Variants in TMEM63A observed in about 807,000 individuals in gnomAD.
The protein encoded by TMEM63A is transmembrane protein 63A, also known as mechanosensitive cation channel TMEM63A.
In TMEM63A, 76 loss-of-function variants were observed where a neutral mutation model predicts 100.6. That is an observed-to-expected ratio of 0.76 (90% CI 0.63 to 0.91). The LOEUF (loss-of-function observed/expected upper bound fraction) is 0.91. Ranked by LOEUF, TMEM63A falls within the 40% of genes least tolerant of loss-of-function variation. TMEM63A has a pLI of 0.00. For synonymous variants in TMEM63A, 401 were observed against 401.1 expected (o/e 1.00, Z 0.00); for missense variants, 876 against 1,008.8 (o/e 0.87, Z 1.78).
In TMEM63A at chr1:225,855,958, C is replaced by T. The variant is rs575698490; in HGVS notation, c.1572-18G>A. ...AATCTAGACTGAAAAACAAAGGAAC[C>T]CCCTAAGAGTTTATTTCCAGCATTC... On this transcript the variant is annotated intron_variant, in intron 17 of 24. Transcript: ENST00000366835. 2.5e-6 allele frequency: 4 copies of T among 1,612,574 alleles called. No homozygotes were observed. In the African/African-American group the frequency reaches 5.3e-5, roughly 22 times the overall value.
downstream of TMEM63A, among the ~76,000 whole-genome samples, chr1:225,841,529 C>T (rs1216905913): frequency 2.0e-5 from 3 of 151,790 alleles, no homozygotes; most frequent in Non-Finnish European, 2.9e-5. Context: ...GGTGATCCAC[C>T]CGCCTCGGCC....
chr1:225,878,252 A>C (rs1216000683), intron 2 of TMEM63A, among the ~76,000 whole-genome samples: 1 of 152,166 alleles, frequency 6.6e-6, no homozygotes, highest in East Asian at 1.9e-4. Flanking sequence ...GGCAGAATTG[A>C]ATCCCAAACC....
In TMEM63A at chr1:225,862,804, T is replaced by C. The variant is rs1670010299; in HGVS notation, c.794A>G (p.Asn265Ser). 4 of 1,613,876 alleles carry C rather than the reference T, an allele frequency of 2.5e-6. No homozygotes were observed. Among genetic ancestry groups the C allele is most frequent in the Non-Finnish European group, 3.4e-6 (4 of 1,179,998 alleles). Residue 265 changes from asparagine to serine, a missense_variant, in exon 11 of 25, where the codon AAC (asparagine) becomes AGC (serine). This residue lies in a region of TMEM63A where 487 missense variants were observed against 581.9 expected (regional missense o/e 0.84). Transcript: ENST00000366835. This position sits in a 1 kb window ranked among gnomAD's most constrained non-coding sequence, Gnocchi z 5.1. ...CEVVDVQLCY[N>S]VAKLIYLCKE... is the part of the protein sequence containing the mutation. ...GCACAGGTAGATCAGTTTGGCCACG[T>C]TGTAGCACAGCTGCACATCAACCAC...
In TMEM63A at chr1:225,853,711, A is replaced by T. The variant is rs762806303; in HGVS notation, c.1715T>A (p.Leu572Gln). Residue 572 changes from leucine to glutamine, a missense_variant, in exon 19 of 25, where the codon CTG (leucine) becomes CAG (glutamine). Physicochemically the swap from Leu to Gln is moderately radical, Grantham distance 113. Coordinates refer to ENST00000366835, the MANE Select transcript of TMEM63A (RefSeq NM_014698.3). This position sits in a 1 kb window ranked among gnomAD's most constrained non-coding sequence, Gnocchi z 4.0. ...GAGGATGAGACCTGGCAGCCGCAGC[A>T]GCTCCATGCCATTGCCGATGAAGGC... ...ASAFIGNGME[L>Q]LRLPGLILYT... 5 of 1,598,600 alleles carry T rather than the reference A, an allele frequency of 3.1e-6. No individual in the cohort carries two copies. Among genetic ancestry groups the T allele is most frequent in the Non-Finnish European group, 4.3e-6 (5 of 1,172,582 alleles).
intron 14 of TMEM63A, 92 bp downstream of exon 14, chr1:225,860,768 G>T (rs1576087892): frequency 1.4e-6 from 2 of 1,408,004 alleles, no homozygotes; most frequent in Non-Finnish European, 9.2e-7. Context: ...GATCTCCATT[G>T]ACTGCCAGGT....
downstream of TMEM63A, chr1:225,845,000 T>A: frequency 1.1e-6 from 1 of 909,172 alleles, no homozygotes; most frequent in Admixed American, 2.0e-5. Flanking sequence ...GGGAGAGCGG[T>A]TGAGACCCTG....
chr1:225,868,529 A>G (rs2102632583), intron 6 of TMEM63A, among the ~76,000 whole-genome samples: 1 of 151,596 alleles, frequency 6.6e-6, no homozygotes, highest in Middle Eastern at 3.4e-3. Flanking sequence ...ACTAAAAAAA[A>G]AAAAAAATTA....
At chr1:225,879,795 C>T (rs1485248158) in intron 1 of TMEM63A, among the ~76,000 whole-genome samples, 3 of 152,352 alleles carry the variant, frequency 2.0e-5, no homozygotes, top group Middle Eastern at 3.4e-3. Flanking sequence ...GCCAATGCTA[C>T]TGGGGAGGCT....
chr1:225,856,809 A>G (rs763520567), intron 16 of TMEM63A, 71 bp from the exon 17 acceptor site: 3 of 1,584,856 alleles, frequency 1.9e-6, no homozygotes, highest in Non-Finnish European at 2.6e-6. Flanking sequence ...GGCCCCTGCC[A>G]TGTGCCCACT....
At chr1:225,850,932 C>T (rs924981538) in intron 20 of TMEM63A, among the ~76,000 whole-genome samples, 16 of 152,206 alleles carry the variant, frequency 1.1e-4, no homozygotes, top group East Asian at 5.8e-4. Flanking sequence ...AGGATGGTCT[C>T]GATCTCCTGA....
At chr1:225,856,300 G>A (rs905239815) in intron 17 of TMEM63A, among the ~76,000 whole-genome samples, 6 of 147,534 alleles carry the variant, frequency 4.1e-5, no homozygotes, top group Non-Finnish European at 8.9e-5. Flanking sequence ...GTGAGCCACT[G>A]TGCCTGGCCA....
chr1:225,874,318 C>T lies in TMEM63A; in HGVS notation c.236G>A (p.Gly79Asp). ...SIIRRRFWDY[G>D]RIALVSEADS... ...TGCTTCTGACACCAGGGCAATGCGG[C>T]CATAGTCCCAGAATCTTCTTCTTAT... Residue 79 changes from glycine to aspartate, a missense_variant, in exon 4 of 25, where the codon GGC becomes GAC. Physicochemically the swap from Gly to Asp is moderately conservative, Grantham distance 94. Transcript: ENST00000366835. 6.2e-7 allele frequency: 1 copy of T among 1,614,090 alleles called. No individual in the cohort carries two copies. Among genetic ancestry groups the T allele is most frequent in the Non-Finnish European group, 8.5e-7 (1 of 1,180,008 alleles).
chr1:225,845,102 G>A (rs1290492864), downstream of TMEM63A: 19 of 1,606,254 alleles, frequency 1.2e-5, no homozygotes, highest in African/African-American at 2.7e-5. Flanking sequence ...ACGGAGGGGC[G>A]CAGGGCCACA....
At chr1:225,851,853 C>T (rs1357677145) in intron 20 of TMEM63A, among the ~76,000 whole-genome samples, 2 of 152,196 alleles carry the variant, frequency 1.3e-5, no homozygotes, top group Non-Finnish European at 2.9e-5. Flanking sequence ...CTGCCAGTTG[C>T]AGATGTTTTA....
At chr1:225,870,928 CCT>C in intron 6 of TMEM63A, 146 bp downstream of exon 6, 3 of 748,662 alleles carry the variant, frequency 4.0e-6, no homozygotes, top group Non-Finnish European at 6.4e-6. Context: ...GATTCTCAGC[CCT>C]CACATACTGC....
chr1:225,875,447 G>GC (rs1433660074), intron 3 of TMEM63A, among the ~76,000 whole-genome samples: 5 of 152,172 alleles, frequency 3.3e-5, no homozygotes, highest in Non-Finnish European at 5.9e-5. Flanking sequence ...GCACATCCCT[G>GC]CCTGCTCTGA....
intron 10 of TMEM63A, chr1:225,864,426 A>G (rs1670098734): frequency 6.6e-6 from 1 of 152,244 alleles, no homozygotes; most frequent in African/African-American, 2.4e-5. Flanking sequence ...AAATTCATAC[A>G]TCAATCCCCA....
intron 19 of TMEM63A, 71 bp from the exon 20 acceptor site, chr1:225,852,840 G>T: frequency 1.5e-6 from 2 of 1,360,772 alleles, no homozygotes; most frequent in South Asian, 1.2e-5. Context: ...CTCTCTAAGT[G>T]GTGATGGGAG....
chr1:225,844,468 A>G (rs374144870), downstream of TMEM63A: 3 of 1,612,272 alleles, frequency 1.9e-6, no homozygotes. Context: ...TGTGGCACTG[A>G]GAGTGGGGCT....
Sources: gnomAD v4.1 joint callset for allele counts (sites outside exome capture counted in the v4.1 genomes callset) on GRCh38, gnomAD v4.1.1 for gene constraint, gnomAD v4.1.1 regional missense constraint, Gnocchi (gnomAD v3.1) non-coding constraint, MANE v1.5 for transcripts, NCBI Gene and HGNC (gene_info 2026-07-23, HGNC 2026-07-21) for gene names.